The following PRKCE variants were observed in gnomAD, a reference collection of about 807,000 sequenced individuals.
PRKCE encodes protein kinase C epsilon type.
PRKCE carries 16 observed loss-of-function variants against 85.4 expected under a neutral mutation model. That is an observed-to-expected ratio of 0.19 (90% CI 0.13 to 0.28). The LOEUF is 0.28. Ranked by LOEUF, PRKCE falls within the 10% of genes least tolerant of loss-of-function variation. The pLI is 1.00. For synonymous variants in PRKCE, 388 were observed against 371.5 expected (o/e 1.04, Z -0.51); for missense variants, 573 against 975.2 (o/e 0.59, Z 5.49).
chr2:45,785,514 A>G (rs1262299607), intron 1 of PRKCE, among the ~76,000 whole-genome samples: 2 of 151,434 alleles, frequency 1.3e-5, no homozygotes, highest in Non-Finnish European at 2.9e-5. Flanking sequence ...AAAAAAAAAG[A>G]AATGTAAGTG....
Position 46,185,550 on chromosome 2 carries a change from A to G in PRKCE, c.*669A>G, listed in dbSNP as rs1456331003. The G allele has an allele frequency of 6.5e-6, 1 of 152,744 alleles. No homozygotes were observed. Among genetic ancestry groups the G allele is most frequent in the Non-Finnish European group, 1.5e-5 (1 of 68,076 alleles). 9.5% of individuals were successfully genotyped at this position (152,744 alleles called of 1,614,324 possible). On this transcript the variant is annotated 3_prime_UTR_variant, in exon 15 of 15. Coordinates refer to ENST00000306156, the MANE Select transcript of PRKCE (RefSeq NM_005400.3). This position sits in a 1 kb window ranked among gnomAD's most constrained non-coding sequence, Gnocchi z 4.7. ...GAAGAAATCCTCTTTGTGGAAAAAG[A>G]AACAGGGTTTTGAACTCTGTTAACA...
chr2:46,053,613 T>C (rs969065994), intron 10 of PRKCE, among the ~76,000 whole-genome samples: 2 of 152,230 alleles, frequency 1.3e-5, no homozygotes, highest in African/African-American at 2.4e-5. Context: ...TCTATCTTTT[T>C]GTGTCTGGCC....
At chr2:46,073,087 G>C (rs1396689035) in intron 10 of PRKCE, among the ~76,000 whole-genome samples, 1 of 152,154 alleles carries the variant, frequency 6.6e-6, no homozygotes, top group Non-Finnish European at 1.5e-5. Flanking sequence ...GCTACCAAGG[G>C]GTTCTAAACG....
At chr2:46,012,934 G>C (rs1705811547) in intron 10 of PRKCE, among the ~76,000 whole-genome samples, 2 of 152,160 alleles carry the variant, frequency 1.3e-5, no homozygotes, top group African/African-American at 4.8e-5. Context: ...GGTGAGGATG[G>C]GCAGAGAAGG....
At chr2:46,156,791 A>AT (rs1336141468) in intron 13 of PRKCE, among the ~76,000 whole-genome samples, 4 of 152,232 alleles carry the variant, frequency 2.6e-5, no homozygotes, top group East Asian at 1.9e-4. Flanking sequence ...ATCACATGCT[A>AT]TTTTTTTAAA....
chr2:45,879,619 T>A (rs917346587), intron 2 of PRKCE, among the ~76,000 whole-genome samples: 2 of 152,184 alleles, frequency 1.3e-5, no homozygotes, highest in Non-Finnish European at 2.9e-5. Context: ...GGAGTTTTGC[T>A]CCTGCTGGCA....
At chr2:45,876,040 C>T (rs1234338999) in intron 2 of PRKCE, among the ~76,000 whole-genome samples, 1 of 152,176 alleles carries the variant, frequency 6.6e-6, no homozygotes, top group Non-Finnish European at 1.5e-5. Context: ...ATCAGCTTCC[C>T]AGATTTTGGT....
intron 1 of PRKCE, among the ~76,000 whole-genome samples, chr2:45,666,010 A>G (rs1479633135): frequency 3.9e-5 from 6 of 152,060 alleles, no homozygotes; most frequent in Non-Finnish European, 5.9e-5. Flanking sequence ...AGTCATGGAG[A>G]AGGCCTCCTA....
At chr2:45,949,066 C>T (rs750068097) in intron 2 of PRKCE, among the ~76,000 whole-genome samples, 2 of 152,186 alleles carry the variant, frequency 1.3e-5, no homozygotes, top group Non-Finnish European at 2.9e-5. Context: ...TAGTGAACAT[C>T]GTTGCATGTG....
chr2:45,973,727 T>A (rs552431019), intron 2 of PRKCE, among the ~76,000 whole-genome samples: 7 of 152,314 alleles, frequency 4.6e-5, no homozygotes, highest in African/African-American at 1.4e-4. Context: ...CCTATTGGAT[T>A]GATGTCAACA....
intron 10 of PRKCE, among the ~76,000 whole-genome samples, chr2:46,057,525 C>G (rs1666697877): frequency 6.6e-6 from 1 of 151,836 alleles, no homozygotes; most frequent in Admixed American, 6.6e-5. Flanking sequence ...ACCTCCACCT[C>G]CCAGGTTCAA....
chr2:45,733,023 T>C (rs2104567183), intron 1 of PRKCE, among the ~76,000 whole-genome samples: 1 of 152,362 alleles, frequency 6.6e-6, no homozygotes, highest in South Asian at 2.1e-4. Context: ...ACCATTGTAG[T>C]GCAAAAGCAG....
chr2:45,680,927 T>C (rs952042217), intron 1 of PRKCE, among the ~76,000 whole-genome samples: 1 of 152,226 alleles, frequency 6.6e-6, no homozygotes, highest in African/African-American at 2.4e-5. Flanking sequence ...CACCAGACCC[T>C]GTGTTAGAGG....
At chr2:45,837,762 A>G (rs998728603) in intron 1 of PRKCE, among the ~76,000 whole-genome samples, 4 of 151,810 alleles carry the variant, frequency 2.6e-5, no homozygotes, top group Non-Finnish European at 5.9e-5. Flanking sequence ...TAATCCCAGC[A>G]CTCTGTGAGG....
rs1043248029 is a variant in PRKCE, at chr2:46,090,736, G to A, written c.1592+4374G>A. Among the ~76,000 whole-genome samples, 5 of 145,026 alleles carry A rather than the reference G, an allele frequency of 3.4e-5. No individual in the cohort carries two copies. The East Asian group carries it at 8.0e-4, about 23-fold the overall frequency. ...TGGTCTGTGTTCCCATGCTGCCTTT[G>A]TATCAAGCTGCAAAAGGCTCTGTGG... On this transcript the variant is annotated intron_variant, in intron 11 of 14. Transcript: ENST00000306156.
intron 5 of PRKCE, among the ~76,000 whole-genome samples, chr2:45,980,827 G>A (rs6705717): frequency 0.6 from 90,664 of 152,062 alleles, 28,659 homozygotes; most frequent in African/African-American, 0.82. Flanking sequence ...CAACAACCAC[G>A]GGAATAAAAA....
chr2:45,919,095 A>G (rs1390870504), intron 2 of PRKCE, among the ~76,000 whole-genome samples: 1 of 152,182 alleles, frequency 6.6e-6, no homozygotes, highest in Non-Finnish European at 1.5e-5. Context: ...AGGTTGTTAT[A>G]TGGAAACAGC....
At chr2:45,986,281 C>T (rs1441930347) in intron 6 of PRKCE, among the ~76,000 whole-genome samples, 1 of 152,188 alleles carries the variant, frequency 6.6e-6, no homozygotes, top group African/African-American at 2.4e-5. Context: ...TGGGATGGAG[C>T]CCAAGTGCTG....
chr2:45,662,723 T>A (rs190456407), intron 1 of PRKCE, among the ~76,000 whole-genome samples: 2 of 152,216 alleles, frequency 1.3e-5, no homozygotes, highest in East Asian at 3.9e-4. Context: ...CTTTCTTCTT[T>A]GTTGTGATCG....
Sources: allele counts gnomAD v4.1 joint callset (sites outside exome capture counted in the v4.1 genomes callset), GRCh38; gene constraint gnomAD v4.1.1; non-coding constraint Gnocchi (gnomAD v3.1); transcripts MANE v1.5; gene names NCBI Gene and HGNC (gene_info 2026-07-23, HGNC 2026-07-21).